The following NF1 variants were observed in gnomAD, a reference collection of about 807,000 sequenced individuals.
NF1 encodes neurofibromin 1.
In NF1, 122 loss-of-function variants were observed where a neutral mutation model predicts 325.7. The observed-to-expected ratio is 0.37, with a 90% CI of 0.32 to 0.44. The LOEUF (loss-of-function observed/expected upper bound fraction) is 0.44. Ranked by LOEUF, NF1 falls within the 20% of genes least tolerant of loss-of-function variation. NF1 has a pLI of 1.00. For missense variants in NF1, 2,140 were observed against 3,415.4 expected (o/e 0.63, Z 9.31); for synonymous variants, 1,091 against 1,186.0 (o/e 0.92, Z 1.65).
chr17:31,253,929 A>G (rs947971229), intron 31 of NF1: 2 of 152,078 alleles, frequency 1.3e-5, no homozygotes, highest in African/African-American at 4.8e-5. Flanking sequence ...TACAGTGTTC[A>G]TCTGGTTTCA....
chr17:31,252,878 G>T, intron 30 of NF1, 60 bp from the exon 31 acceptor site: 1 of 1,354,992 alleles, frequency 7.4e-7, no homozygotes. Flanking sequence ...AGCCAACATT[G>T]TTTTTGTTGC....
At chr17:31,185,458 A>G (rs2905884) in intron 8 of NF1, among the ~76,000 whole-genome samples, 81,125 of 152,050 alleles carry the variant, frequency 0.53, 25,515 homozygotes, top group Middle Eastern at 0.76. Flanking sequence ...CTTATTGGTG[A>G]GACGTTTGGG....
intron 50 of NF1, 60 bp downstream of exon 50, chr17:31,350,378 A>G: frequency 6.9e-7 from 1 of 1,449,304 alleles, no homozygotes; most frequent in South Asian, 1.1e-5. Flanking sequence ...TTTTCCAACT[A>G]ATGGAGGCAA....
intron 8 of NF1, among the ~76,000 whole-genome samples, chr17:31,189,295 A>G (rs997401284): frequency 3.3e-5 from 5 of 151,334 alleles, no homozygotes; most frequent in African/African-American, 9.7e-5. Flanking sequence ...TAAAATTTGC[A>G]TGTAGTCACC....
intron 5 of NF1, among the ~76,000 whole-genome samples, chr17:31,174,886 G>A (rs940788144): frequency 2.0e-5 from 3 of 152,016 alleles, no homozygotes; most frequent in Non-Finnish European, 2.9e-5. Context: ...CTACGTGGGC[G>A]GATCATGAGG....
At chr17:31,195,129 G>GA (rs917028298) in intron 8 of NF1, among the ~76,000 whole-genome samples, 1 of 151,658 alleles carries the variant, frequency 6.6e-6, no homozygotes, top group South Asian at 2.1e-4. Context: ...TAGTTTTAAA[G>GA]AAAAAAAATA....
At chr17:31,373,272 G>A (rs1463273982) in intron 57 of NF1, among the ~76,000 whole-genome samples, 1 of 152,192 alleles carries the variant, frequency 6.6e-6, no homozygotes, top group East Asian at 1.9e-4. Flanking sequence ...GGAAAGATCA[G>A]TACTTTCTGC....
chr17:31,265,666 A>G (rs1376519192), intron 36 of NF1, among the ~76,000 whole-genome samples: 2 of 152,144 alleles, frequency 1.3e-5, no homozygotes, highest in Admixed American at 6.6e-5. Flanking sequence ...AGTACTCACA[A>G]CATGATAACT....
chr17:31,295,825 T>C (rs1452431061), intron 36 of NF1: 1 of 1,614,218 alleles, frequency 6.2e-7, no homozygotes, highest in East Asian at 2.2e-5. Context: ...CCACGATATG[T>C]AGTTTGGAGG....
intron 8 of NF1, among the ~76,000 whole-genome samples, chr17:31,196,446 A>G (rs1312462024): frequency 6.6e-6 from 1 of 152,048 alleles, no homozygotes; most frequent in Non-Finnish European, 1.5e-5. Flanking sequence ...CCCTTATGAG[A>G]TACATTATTT....
At chr17:31,284,070 G>A (rs1026062057) in intron 36 of NF1, among the ~76,000 whole-genome samples, 1 of 152,162 alleles carries the variant, frequency 6.6e-6, no homozygotes, top group Non-Finnish European at 1.5e-5. Flanking sequence ...AGTGGTTGCA[G>A]TCCATCTGTT....
intron 11 of NF1, among the ~76,000 whole-genome samples, chr17:31,204,876 T>C (rs910231445): frequency 6.6e-6 from 1 of 152,160 alleles, no homozygotes; most frequent in Admixed American, 6.6e-5. Flanking sequence ...GGAAATCAAG[T>C]TGCATTGGTT....
At chr17:31,180,056 G>A (rs950478306) in intron 5 of NF1, among the ~76,000 whole-genome samples, 8 of 152,170 alleles carry the variant, frequency 5.3e-5, no homozygotes, top group African/African-American at 1.9e-4. Flanking sequence ...CCAGGAAGAA[G>A]TCGAATCCCT....
At chr17:31,100,768 C>T (rs926086002) in intron 1 of NF1, among the ~76,000 whole-genome samples, 3 of 152,176 alleles carry the variant, frequency 2.0e-5, no homozygotes, top group Non-Finnish European at 4.4e-5. Flanking sequence ...AGGGTTTCAC[C>T]GTGCTAGCCA....
intron 1 of NF1, among the ~76,000 whole-genome samples, chr17:31,131,510 C>T (rs1915389069): frequency 1.3e-5 from 2 of 152,220 alleles, no homozygotes; most frequent in South Asian, 2.1e-4. Context: ...AGTGCTTTCC[C>T]TCTGAAGATC....
intron 36 of NF1, among the ~76,000 whole-genome samples, chr17:31,284,100 G>A (rs561387887): frequency 7.2e-5 from 11 of 152,098 alleles, no homozygotes; most frequent in African/African-American, 2.6e-4. Flanking sequence ...AAAGATTTTT[G>A]TTATTGTTTG....
At position 31,330,958 on chromosome 17, in the gene NF1, GC is replaced by G. The variant is rs17886450; in HGVS notation, c.5812+463del. On this transcript the variant is annotated intron_variant, in intron 39 of 57. Transcript: ENST00000358273. The stretch of plus-strand genomic sequence containing the variant: ...AGAGCACAGTGGCACATAATACAGG[GC>G]CCAGAGTCAGTTCTGACTTTGTTTT... The G allele has an allele frequency of 8.1e-3, 1,254 of 154,472 alleles. 13 individuals carry two copies. Among genetic ancestry groups the G allele is most frequent in the African/African-American group, 0.029 (1,196 of 41,520 alleles). The allele number at this position is 154,472 out of a possible 1,614,324, so 9.6% of individuals were successfully genotyped here.
intron 46 of NF1, among the ~76,000 whole-genome samples, chr17:31,339,415 G>A (rs1435157609): frequency 6.6e-6 from 1 of 152,088 alleles, no homozygotes; most frequent in African/African-American, 2.4e-5. Flanking sequence ...TCATGTTTTT[G>A]TATTAATAAA....
At chr17:31,164,170 A>G (rs2065808199) in intron 4 of NF1, among the ~76,000 whole-genome samples, 2 of 152,240 alleles carry the variant, frequency 1.3e-5, no homozygotes, top group African/African-American at 4.8e-5. Context: ...CAGAATTTAT[A>G]TTAGTTTCAC....
Sources: allele counts gnomAD v4.1 joint callset (sites outside exome capture counted in the v4.1 genomes callset), GRCh38; gene constraint gnomAD v4.1.1; transcripts MANE v1.5; gene names NCBI Gene and HGNC (gene_info 2026-07-23, HGNC 2026-07-21).